DLG2: variants seen among roughly 807,000 people sequenced by gnomAD.
DLG2 encodes disks large homolog 2.
In DLG2, 45 loss-of-function variants were observed where a neutral mutation model predicts 132.5. The observed-to-expected ratio is 0.34, with a 90% confidence interval of 0.27 to 0.44. DLG2 has a LOEUF of 0.44. Ranked by LOEUF, DLG2 falls within the 20% of genes least tolerant of loss-of-function variation. DLG2 has a pLI of 1.00. For missense variants in DLG2, 1,045 were observed against 1,196.9 expected, an observed-to-expected ratio of 0.87 and a Z score of 1.87; for synonymous variants, 424 against 419.6, an observed-to-expected ratio of 1.01 and a Z score of -0.13.
At chr11:84,868,992 CT>C (rs1193845525) in intron 6 of DLG2, among the ~76,000 whole-genome samples, 1 of 152,114 alleles carries the variant, frequency 6.6e-6, no homozygotes, top group Non-Finnish European at 1.5e-5. Context: ...TTAATACCCC[CT>C]AAAGGATGTG....
intron 9 of DLG2, among the ~76,000 whole-genome samples, chr11:84,141,811 G>GT (rs944173685): frequency 7.9e-5 from 12 of 151,880 alleles, no homozygotes; most frequent in African/African-American, 2.2e-4. Context: ...ATATCTACAG[G>GT]TTTTTTTTAA....
chr11:83,892,339 A>G (rs1240599787), intron 15 of DLG2, among the ~76,000 whole-genome samples: 1 of 152,146 alleles, frequency 6.6e-6, no homozygotes, highest in African/African-American at 2.4e-5. Context: ...TCTGGGATTA[A>G]TTTTCTGACA....
intron 7 of DLG2, among the ~76,000 whole-genome samples, chr11:84,280,939 T>C (rs1390402701): frequency 2.1e-5 from 3 of 144,274 alleles, no homozygotes; most frequent in Non-Finnish European, 4.5e-5. Flanking sequence ...GCCAGGATGG[T>C]CTCGATTTCC....
intron 6 of DLG2, among the ~76,000 whole-genome samples, chr11:84,741,229 G>A (rs572192481): frequency 2.0e-5 from 3 of 151,964 alleles, no homozygotes; most frequent in East Asian, 3.9e-4. Context: ...ACTGCGCCTG[G>A]CTAATTTTTT....
At chr11:83,852,527 G>A (rs1440881587) in intron 16 of DLG2, among the ~76,000 whole-genome samples, 2 of 152,188 alleles carry the variant, frequency 1.3e-5, no homozygotes, top group African/African-American at 4.8e-5. Flanking sequence ...GGACTACCAT[G>A]AATGCATCAT....
chr11:85,470,223 T>A (rs1338592286), intron 3 of DLG2, among the ~76,000 whole-genome samples: 2 of 149,478 alleles, frequency 1.3e-5, no homozygotes, highest in Non-Finnish European at 3.0e-5. Context: ...TTTTTTTTTT[T>A]AATAAAAATC....
At chr11:85,325,115 G>T in intron 3 of DLG2, among the ~76,000 whole-genome samples, 1 of 133,694 alleles carries the variant, frequency 7.5e-6, no homozygotes, top group Non-Finnish European at 1.6e-5. Context: ...TGGCTCAGAG[G>T]GTCCTACGCC....
chr11:85,020,700 T>G, intron 6 of DLG2: 1 of 525,408 alleles, frequency 1.9e-6, no homozygotes, highest in Non-Finnish European at 3.6e-6. Context: ...TAAATGGTGC[T>G]GGGAAAACTG....
chr11:85,154,461 TTTTC>T (rs1432893044), intron 5 of DLG2, 91 bp downstream of exon 5: 19 of 635,954 alleles, frequency 3.0e-5, no homozygotes, highest in Non-Finnish European at 1.3e-5. Flanking sequence ...ACACATTTTC[TTTTC>T]TTTCTTTAAC....
chr11:84,641,862 G>C (rs952709270), intron 6 of DLG2, among the ~76,000 whole-genome samples: 6 of 151,668 alleles, frequency 4.0e-5, no homozygotes, highest in Non-Finnish European at 7.4e-5. Flanking sequence ...GTTCCTATTA[G>C]AGGAAGTAAA....
At chr11:83,582,021 A>G (rs6592128) in intron 19 of DLG2, among the ~76,000 whole-genome samples, 3,802 of 130,418 alleles carry the variant, frequency 0.029, 190 homozygotes, top group African/African-American at 0.1. Flanking sequence ...CAATGGCTCA[A>G]TCTCAGCTCA....
At chr11:85,560,365 T>C (rs994424026) in intron 3 of DLG2, among the ~76,000 whole-genome samples, 1 of 151,860 alleles carries the variant, frequency 6.6e-6, no homozygotes, top group Non-Finnish European at 1.5e-5. Flanking sequence ...CTTTTTTAAA[T>C]GTGATATGTG....
At chr11:85,334,216 C>T (rs1184538792) in intron 3 of DLG2, among the ~76,000 whole-genome samples, 2 of 152,076 alleles carry the variant, frequency 1.3e-5, no homozygotes, top group Non-Finnish European at 2.9e-5. Flanking sequence ...AGTTTCTGTG[C>T]ATAGAAGTAT....
chr11:84,744,183 G>A (rs2065057922), intron 6 of DLG2, among the ~76,000 whole-genome samples: 1 of 152,096 alleles, frequency 6.6e-6, no homozygotes, highest in Non-Finnish European at 1.5e-5. Flanking sequence ...ACAACAACAA[G>A]GACATAGCCC....
At chr11:84,048,970 A>G (rs1594048446) in intron 11 of DLG2, among the ~76,000 whole-genome samples, 1 of 151,870 alleles carries the variant, frequency 6.6e-6, no homozygotes, top group East Asian at 1.9e-4. Flanking sequence ...TTAAAATTTT[A>G]ATTCATTCAG....
At chr11:83,743,805 C>T (rs112409274) in intron 18 of DLG2, among the ~76,000 whole-genome samples, 2,738 of 152,134 alleles carry the variant, frequency 0.018, 71 homozygotes, top group African/African-American at 0.055. Flanking sequence ...AAATAGCATG[C>T]ACCTCAGAGG....
At chr11:85,253,469 G>A (rs1565219361) in intron 4 of DLG2, among the ~76,000 whole-genome samples, 1 of 152,146 alleles carries the variant, frequency 6.6e-6, no homozygotes, top group Non-Finnish European at 1.5e-5. Context: ...CTCACCAGAG[G>A]GAGGGTGAAT....
chr11:84,254,068 C>T lies in DLG2; in HGVS notation c.520-2777G>A, dbSNP rs144605461. Among the ~76,000 whole-genome samples, 15 of 152,226 alleles carry T rather than the reference C, an allele frequency of 9.9e-5. 1 individual carries two copies. Among genetic ancestry groups the T allele is most frequent in the African/African-American group, 3.6e-4 (15 of 41,546 alleles). On this transcript the variant is annotated intron_variant, in intron 7 of 27. Coordinates refer to ENST00000376104, the MANE Select transcript of DLG2 (RefSeq NM_001142699.3). ...TAGTTTTGATGACATCTCTCCTATG[C>T]TTTCTGTTTGGTTTCCATGACTCAC...
chr11:85,616,958 T>C (rs1339456792), intron 2 of DLG2, among the ~76,000 whole-genome samples: 1 of 152,118 alleles, frequency 6.6e-6, no homozygotes, highest in African/African-American at 2.4e-5. Context: ...AAGTAAGCTG[T>C]TTTATATAGA....
Sources: gnomAD v4.1 joint callset for allele counts (sites outside exome capture counted in the v4.1 genomes callset) on GRCh38, gnomAD v4.1.1 for gene constraint, MANE v1.5 for transcripts, NCBI Gene and HGNC (gene_info 2026-07-23, HGNC 2026-07-21) for gene names.